Variants in ELK1 observed in about 807,000 individuals in gnomAD.
ELK1 encodes ETS transcription factor ELK1, also known as ETS domain-containing protein Elk-1.
For missense variants in ELK1, 254 were observed against 381.5 expected, an observed-to-expected ratio of 0.67 and a Z score of 2.78; for synonymous variants, 163 against 176.3, an observed-to-expected ratio of 0.92 and a Z score of 0.60.
intron 2 of ELK1, among the ~76,000 whole-genome samples, chrX:47,643,680 G>A (rs142283627): frequency 9.1e-6 from 1 of 109,511 alleles, no homozygotes; most frequent in African/African-American, 3.4e-5. Context: ...CAGGGGTTTT[G>A]GGTAAGGGCA....
At chrX:47,646,796 A>G (rs936151618) in intron 2 of ELK1, among the ~76,000 whole-genome samples, 2 of 111,514 alleles carry the variant, frequency 1.8e-5, no homozygotes, top group African/African-American at 3.3e-5. Context: ...ATCCTATCCT[A>G]TGTATCACCT....
chrX:47,638,021 G>A lies in ELK1; in HGVS notation c.816C>T (p.Ala272=). Reference sequence around the variant, plus strand: ...CCTCCTGTGGAGGGACTTCTGGCTCGGCCTTGGTGGTTTCTGGCACAAACC... The same window carrying A: ...CCTCCTGTGGAGGGACTTCTGGCTCAGCCTTGGTGGTTTCTGGCACAAACC... ...ERGFVPETTK[A]EPEVPPQEGV... is the part of the protein sequence containing the mutation. Residue 272 remains alanine (A), a synonymous_variant, in exon 5 of 7, where the codon GCC becomes GCT. Coordinates refer to ENST00000376983, the MANE Select transcript of ELK1 (RefSeq NM_001114123.3). The A allele has an allele frequency of 1.7e-6, 2 of 1,211,080 alleles. No individual in the cohort carries two copies. The highest frequency in any genetic ancestry group is 1.7e-5 in the African/African-American group (1 of 57,785).
At chrX:47,646,760 G>A (rs1171453700) in intron 2 of ELK1, among the ~76,000 whole-genome samples, 1 of 112,313 alleles carries the variant, frequency 8.9e-6, no homozygotes, top group Non-Finnish European at 1.9e-5. Context: ...TAGCTAGTGT[G>A]TCATCCTTCT....
At chrX:47,649,683 A>G (rs1235059260) in intron 2 of ELK1, among the ~76,000 whole-genome samples, 2 of 110,860 alleles carry the variant, frequency 1.8e-5, no homozygotes, top group African/African-American at 6.6e-5. Flanking sequence ...GATGTAAAGC[A>G]CTAAACTAAC....
chrX:47,642,599 T>C (rs1226854275), intron 2 of ELK1, among the ~76,000 whole-genome samples: 1 of 108,525 alleles, frequency 9.2e-6, no homozygotes, highest in Non-Finnish European at 1.9e-5. Context: ...TTTTTTTTTT[T>C]TTCTTTTTTT....
At position 47,641,472 on chromosome X, in the gene ELK1, G is replaced by A. The variant is rs776231065; in HGVS notation, c.-31C>T. ...GGGGAGTGCTCACGCCATCCCAGGG[G>A]TACCTGGAGAGCAAACAGCTGAGTT... On this transcript the variant is annotated 5_prime_UTR_variant, in exon 3 of 7. Transcript: ENST00000376983. The A allele has an allele frequency of 1.7e-6, 2 of 1,182,212 alleles. No individual in the cohort carries two copies. The highest frequency in any genetic ancestry group is 1.7e-5 in the African/African-American group (1 of 57,233).
intron 4 of ELK1, 83 bp downstream of exon 4, chrX:47,638,812 C>T: frequency 9.4e-7 from 1 of 1,065,537 alleles, no homozygotes; most frequent in East Asian, 3.3e-5. Flanking sequence ...GTCTCTTCTA[C>T]CAGCCTCCCT....
rs2058008646 is a variant in ELK1, at chrX:47,636,568, C to T, written c.*261G>A. 2 of 304,905 alleles carry T rather than the reference C, an allele frequency of 6.6e-6. No homozygotes were observed. Among genetic ancestry groups the T allele is most frequent in the Admixed American group, 5.6e-5 (1 of 17,829 alleles). 25.1% of individuals were successfully genotyped at this position (304,905 alleles called of 1,213,427 possible). A position where few individuals can be genotyped will look rare whatever the true frequency, so the allele number is the denominator to read the frequency against. On this transcript the variant is annotated 3_prime_UTR_variant, in exon 7 of 7. Coordinates refer to ENST00000376983, the MANE Select transcript of ELK1 (RefSeq NM_001114123.3). ...GCCTTCAAAAAATAAATAAATAAAC[C>T]GCCCCTACCATTGAAGTAGGAGACG...
intron 2 of ELK1, among the ~76,000 whole-genome samples, chrX:47,645,558 G>A (rs1424021987): frequency 8.9e-6 from 1 of 112,350 alleles, no homozygotes. Context: ...TACACAGGGT[G>A]TACAAGGAGT....
Position 47,650,533 on chromosome X carries a change from T to TGGTGGTGGCGGTGGC in ELK1, c.-266_-252dup, listed in dbSNP as rs2058059268. On this transcript the variant is annotated 5_prime_UTR_variant, in exon 1 of 7. Transcript: ENST00000376983. ...CTGGGTTCCGAGGCGGCGGTGGAGG[T>TGGTGGTGGCGGTGGC]GGTGGTGGCGGTGGCGGCGGCAGCA... The TGGTGGTGGCGGTGGC allele has an allele frequency of 3.1e-6, 1 of 317,909 alleles. No individual in the cohort carries two copies. The highest frequency in any genetic ancestry group is 3.5e-5 in the Admixed American group (1 of 28,608). 26.2% of individuals were successfully genotyped at this position (317,909 alleles called of 1,213,427 possible). A position where few individuals can be genotyped will look rare whatever the true frequency, so the allele number is the denominator to read the frequency against.
At chrX:47,650,387 G>A (rs756187724) in intron 1 of ELK1, 36 bp downstream of exon 1, 3 of 305,272 alleles carry the variant, frequency 9.8e-6, no homozygotes, top group Non-Finnish European at 1.3e-5. Flanking sequence ...GTGGGGTCAC[G>A]GACTGGGCCC....
At chrX:47,637,306 C>T (rs2058012139) in intron 5 of ELK1, among the ~76,000 whole-genome samples, 192 bp from the exon 6 acceptor site, 1 of 110,487 alleles carries the variant, frequency 9.1e-6, no homozygotes, top group South Asian at 3.9e-4. Flanking sequence ...ACCCCCCACT[C>T]CCCACTCCCG....
Sources: allele counts gnomAD v4.1 joint callset (sites outside exome capture counted in the v4.1 genomes callset), GRCh38; gene constraint gnomAD v4.1.1; transcripts MANE v1.5; gene names NCBI Gene and HGNC (gene_info 2026-07-23, HGNC 2026-07-21).